Variants in CTNNA1 observed in about 807,000 individuals in gnomAD.
CTNNA1 encodes catenin alpha-1.
CTNNA1 carries 37 observed loss-of-function variants against 98.4 expected under a neutral mutation model. The observed-to-expected ratio is 0.38, with a 90% CI of 0.29 to 0.49. The LOEUF (loss-of-function observed/expected upper bound fraction) is 0.49, where lower values mean the gene tolerates loss of function less well. Among genes scored for constraint, CTNNA1 ranks in the 20% least tolerant of loss-of-function variants. The probability of loss-of-function intolerance (pLI) is 0.95; values close to 1 mark genes in which losing one functional copy is unlikely to be tolerated. For synonymous variants in CTNNA1, 404 were observed against 413.2 expected (o/e 0.98, Z 0.27); for missense variants, 761 against 1,147.2 (o/e 0.66, Z 4.86).
chr5:138,814,977 C>T (rs1759274414), intron 5 of CTNNA1, among the ~76,000 whole-genome samples: 1 of 152,168 alleles, frequency 6.6e-6, no homozygotes, highest in Non-Finnish European at 1.5e-5. Flanking sequence ...TACTCTTGAA[C>T]TCCTGACCTT....
At chr5:138,834,409 A>G (rs772927734) in intron 7 of CTNNA1, among the ~76,000 whole-genome samples, 1 of 152,108 alleles carries the variant, frequency 6.6e-6, no homozygotes, top group Non-Finnish European at 1.5e-5. Context: ...GTTGTTAGTA[A>G]TGATTGTCCA....
At position 138,873,234 on chromosome 5, in the gene CTNNA1, T is replaced by A; in HGVS notation, c.1063-12978T>A. 2 of 1,613,832 alleles carry A rather than the reference T, an allele frequency of 1.2e-6. No individual in the cohort carries two copies. Among genetic ancestry groups the A allele is most frequent in the Non-Finnish European group, 1.7e-6 (2 of 1,179,782 alleles). ...GTGGGAGGGCAGCACTTCCTGGAGA[T>A]GAACACTATAAAAATAATAAAAAAG... On this transcript the variant is annotated intron_variant, in intron 7 of 17. Coordinates refer to ENST00000302763, the MANE Select transcript of CTNNA1 (RefSeq NM_001903.5). This position sits in a 1 kb window ranked among gnomAD's most constrained non-coding sequence, Gnocchi z 6.1.
chr5:138,845,128 G>C (rs532040055), intron 7 of CTNNA1, among the ~76,000 whole-genome samples: 1 of 152,264 alleles, frequency 6.6e-6, no homozygotes, highest in South Asian at 2.1e-4. Context: ...TGTTATTTTT[G>C]TGTCATAAAA....
intron 1 of CTNNA1, among the ~76,000 whole-genome samples, chr5:138,780,246 A>C (rs1188486330): frequency 6.6e-6 from 1 of 151,750 alleles, no homozygotes. Flanking sequence ...GCCGGACTGC[A>C]GTGGCGCTAT....
At chr5:138,853,439 T>C (rs1342224438) in intron 7 of CTNNA1, among the ~76,000 whole-genome samples, 5 of 152,194 alleles carry the variant, frequency 3.3e-5, no homozygotes, top group Non-Finnish European at 7.3e-5. Flanking sequence ...CTTTTGACAT[T>C]GCGTGTGTTT....
rs933609443 is a variant in CTNNA1, at chr5:138,779,223, G to C, written c.-2-2700G>C. On this transcript the variant is annotated intron_variant, in intron 1 of 17. Transcript: ENST00000302763. ...TGACATTCATTGCTAATCCTTGGCT[G>C]GATCAGTTTTTACCAGTGGGGGTTG... 3.3e-5 allele frequency among the ~76,000 whole-genome samples: 5 copies of C among 151,952 alleles called. No individual in the cohort carries two copies. In the East Asian group the frequency reaches 9.7e-4, roughly 29 times the overall value.
chr5:138,779,103 T>C (rs1433462605), intron 1 of CTNNA1, among the ~76,000 whole-genome samples: 2 of 152,182 alleles, frequency 1.3e-5, no homozygotes, highest in African/African-American at 4.8e-5. Context: ...GGTCTCGAAC[T>C]CCTGACCTCA....
intron 6 of CTNNA1, among the ~76,000 whole-genome samples, chr5:138,826,262 T>C (rs774904481): frequency 9.9e-5 from 15 of 152,168 alleles, no homozygotes; most frequent in Non-Finnish European, 1.8e-4. Context: ...TGTATACTTA[T>C]TGGAAAAGGG....
intron 7 of CTNNA1, among the ~76,000 whole-genome samples, chr5:138,837,870 T>C (rs1761943453): frequency 6.6e-6 from 1 of 152,056 alleles, no homozygotes; most frequent in African/African-American, 2.4e-5. Context: ...GCAGTCTGCC[T>C]GCCCCAGCCT....
chr5:138,824,192 C>T (rs994256949), intron 5 of CTNNA1, among the ~76,000 whole-genome samples: 1 of 151,960 alleles, frequency 6.6e-6, no homozygotes, highest in Non-Finnish European at 1.5e-5. Flanking sequence ...CCGATTTAAT[C>T]CTCAAAACAA....
At chr5:138,896,801 CT>C (rs764727206) in intron 9 of CTNNA1, among the ~76,000 whole-genome samples, 1 of 152,174 alleles carries the variant, frequency 6.6e-6, no homozygotes, top group Non-Finnish European at 1.5e-5. Context: ...TTATGTTGCT[CT>C]TCAATTTAAA....
intron 7 of CTNNA1, among the ~76,000 whole-genome samples, chr5:138,855,937 A>T (rs946644061): frequency 6.6e-6 from 1 of 152,222 alleles, no homozygotes; most frequent in Non-Finnish European, 1.5e-5. Flanking sequence ...TTTTTGAAAG[A>T]ATCTTTCTAA....
intron 1 of CTNNA1, among the ~76,000 whole-genome samples, chr5:138,780,959 G>A (rs980404967): frequency 2.0e-4 from 30 of 151,656 alleles, no homozygotes; most frequent in African/African-American, 6.5e-4. Flanking sequence ...TGTTATTTTC[G>A]TTGATGTTTT....
chr5:138,854,423 T>A (rs932522064), intron 7 of CTNNA1, among the ~76,000 whole-genome samples: 8 of 152,180 alleles, frequency 5.3e-5, no homozygotes, highest in Admixed American at 3.9e-4. Flanking sequence ...TTTGCCTCCA[T>A]TTCCCCCCAA....
chr5:138,881,271 A>G, intron 7 of CTNNA1: 1 of 346,948 alleles, frequency 2.9e-6, no homozygotes, highest in South Asian at 2.3e-5. Context: ...ACAGGACTAT[A>G]TAATCATTGT....
intron 11 of CTNNA1, among the ~76,000 whole-genome samples, chr5:138,920,497 G>A (rs183495577): frequency 6.6e-6 from 1 of 152,234 alleles, no homozygotes; most frequent in Admixed American, 6.5e-5. Context: ...TTGTTTTTGA[G>A]TAGGGGCTGC....
At chr5:138,812,487 A>G (rs1177522609) in intron 5 of CTNNA1, among the ~76,000 whole-genome samples, 185 bp downstream of exon 5, 1 of 152,182 alleles carries the variant, frequency 6.6e-6, no homozygotes, top group Admixed American at 6.5e-5. Flanking sequence ...CATTGCATTC[A>G]TGTTATGCTC....
chr5:138,870,384 C>G (rs1765226149), intron 7 of CTNNA1: 2 of 152,206 alleles, frequency 1.3e-5, no homozygotes, highest in African/African-American at 4.8e-5. Context: ...TTTGGTACTA[C>G]TGTCATTCAC....
In CTNNA1 at chr5:138,917,894, C is replaced by A; in HGVS notation, c.1542C>A (p.Val514=). 6.2e-7 allele frequency: 1 copy of A among 1,613,868 alleles called. No homozygotes were observed. Among genetic ancestry groups the A allele is most frequent in the Non-Finnish European group, 8.5e-7 (1 of 1,179,812 alleles). The part of the protein sequence containing the change: ...DITSIDDFLA[V]SENHILEDVN... Reference sequence around the variant, plus strand: ...CTTCCATTGATGACTTCTTGGCTGTCTCAGGTAATGAGCTGGTTCCCCAGA... The same window carrying A: ...CTTCCATTGATGACTTCTTGGCTGTATCAGGTAATGAGCTGGTTCCCCAGA... Residue 514 remains valine (V), a synonymous_variant, in exon 11 of 18, where the codon GTC becomes GTA. Coordinates refer to ENST00000302763, the MANE Select transcript of CTNNA1 (RefSeq NM_001903.5).
Sources: allele counts gnomAD v4.1 joint callset (sites outside exome capture counted in the v4.1 genomes callset), GRCh38; gene constraint gnomAD v4.1.1; non-coding constraint Gnocchi (gnomAD v3.1); transcripts MANE v1.5; gene names NCBI Gene and HGNC (gene_info 2026-07-23, HGNC 2026-07-21).